Variants in XYLT1 observed in about 807,000 individuals in gnomAD.
XYLT1 encodes the protein beta-D-xylosyltransferase 1.
XYLT1 carries 36 observed loss-of-function variants against 91.3 expected under a neutral mutation model. That is an observed-to-expected ratio of 0.39 (90% CI 0.30 to 0.52). The LOEUF (loss-of-function observed/expected upper bound fraction) is 0.52. Among genes scored for constraint, XYLT1 ranks in the 20% least tolerant of loss-of-function variants. XYLT1 has a pLI of 0.68. For missense variants in XYLT1, 1,242 were observed against 1,284.5 expected (o/e 0.97, Z 0.51); for synonymous variants, 588 against 532.0 (o/e 1.11, Z -1.45).
At position 17,454,730 on chromosome 16, in the gene XYLT1, G is replaced by T. The variant is rs532797681; in HGVS notation, c.363+15704C>A. Among the ~76,000 whole-genome samples the T allele has an allele frequency of 2.5e-3, 382 of 151,874 alleles. 3 individuals carry two copies. The highest frequency in any genetic ancestry group is 5.7e-4 in the Non-Finnish European group (39 of 67,952). On this transcript the variant is annotated intron_variant, in intron 1 of 11. Coordinates refer to ENST00000261381, the MANE Select transcript of XYLT1 (RefSeq NM_022166.4). Reference sequence around the variant, plus strand: ...TTTTTGTACCTTTTAGTAGAGATGGGGTTTCAACCATGTTGGTCAGGCTGG... The same window carrying T: ...TTTTTGTACCTTTTAGTAGAGATGGTGTTTCAACCATGTTGGTCAGGCTGG...
chr16:17,217,387 A>G (rs1025436725), intron 3 of XYLT1, among the ~76,000 whole-genome samples: 1 of 152,250 alleles, frequency 6.6e-6, no homozygotes, highest in African/African-American at 2.4e-5. Flanking sequence ...AAACCCAGAT[A>G]TTAGTGCCAA....
intron 5 of XYLT1, among the ~76,000 whole-genome samples, chr16:17,194,530 C>T (rs549212259): frequency 8.7e-4 from 133 of 152,316 alleles, no homozygotes; most frequent in African/African-American, 3.0e-3. Flanking sequence ...GCCCCTAAGA[C>T]TGAGGAACAG....
At chr16:17,117,615 T>C in intron 11 of XYLT1, 31 bp downstream of exon 11, 1 of 1,588,910 alleles carries the variant, frequency 6.3e-7, no homozygotes, top group Non-Finnish European at 8.6e-7. Flanking sequence ...GGAAGGAGTA[T>C]TTCTCCCACA....
chr16:17,255,405 CAA>C (rs921323202), intron 3 of XYLT1, among the ~76,000 whole-genome samples: 2 of 152,144 alleles, frequency 1.3e-5, no homozygotes, highest in Non-Finnish European at 2.9e-5. Context: ...ATAGCTGTGA[CAA>C]AGACTGGCCC....
chr16:17,346,648 G>A (rs2035147821), intron 2 of XYLT1, among the ~76,000 whole-genome samples: 1 of 152,194 alleles, frequency 6.6e-6, no homozygotes, highest in Non-Finnish European at 1.5e-5. Flanking sequence ...TGAGTCCAGG[G>A]CCATGAAATG....
At position 17,311,891 on chromosome 16, in the gene XYLT1, A is replaced by C. The variant is rs55640524; in HGVS notation, c.402+46121T>G. Among the ~76,000 whole-genome samples, 627 of 149,168 alleles carry C rather than the reference A, an allele frequency of 4.2e-3. 2 individuals carry two copies. The highest frequency in any genetic ancestry group is 0.013 in the African/African-American group (539 of 40,818). ...GGGTTTCCCCTTATAAAACCATCAG[A>C]TCTCATGAGACTTATTCACTACAAT... is the stretch of plus-strand genomic sequence containing the variant. On this transcript the variant is annotated intron_variant, in intron 2 of 11. Transcript: ENST00000261381.
At chr16:17,195,538 T>C (rs2032410084) in intron 5 of XYLT1, among the ~76,000 whole-genome samples, 1 of 152,030 alleles carries the variant, frequency 6.6e-6, no homozygotes, top group South Asian at 2.1e-4. Flanking sequence ...CTCCACCTCC[T>C]GGGTTCAAGC....
At chr16:17,261,836 G>A (rs546441733) in intron 2 of XYLT1, among the ~76,000 whole-genome samples, 64 of 152,256 alleles carry the variant, frequency 4.2e-4, no homozygotes, top group Admixed American at 1.9e-3. Context: ...GTCACAGGGC[G>A]GCTACTGGTT....
intron 2 of XYLT1, among the ~76,000 whole-genome samples, chr16:17,318,790 CTT>C (rs58376375): frequency 1.4e-5 from 2 of 142,628 alleles, no homozygotes; most frequent in South Asian, 2.2e-4. Flanking sequence ...TCTGCTTACT[CTT>C]TTTTTTTTTT....
Position 17,141,384 on chromosome 16 carries a change from G to A in XYLT1, c.1371-15C>T, listed in dbSNP as rs1045373781. ...TCCGAATGAACCTGGGAGGGAGAAA[G>A]CTGCCCTTAGCCCAGAGGTGTCCTG... On this transcript the variant is annotated splice_polypyrimidine_tract_variant and intron_variant, in intron 6 of 11. Coordinates refer to ENST00000261381, the MANE Select transcript of XYLT1 (RefSeq NM_022166.4). 1 of 1,612,276 alleles carries A rather than the reference G, an allele frequency of 6.2e-7. No homozygotes were observed. The highest frequency in any genetic ancestry group is 1.3e-5 in the African/African-American group (1 of 74,906).
intron 3 of XYLT1, among the ~76,000 whole-genome samples, chr16:17,207,887 C>T (rs1347061559): frequency 6.6e-6 from 1 of 152,192 alleles, no homozygotes; most frequent in East Asian, 1.9e-4. Flanking sequence ...GTGGCCAAGC[C>T]AGCACCTGTC....
At chr16:17,161,748 C>A (rs2031560982) in intron 5 of XYLT1, among the ~76,000 whole-genome samples, 1 of 151,764 alleles carries the variant, frequency 6.6e-6, no homozygotes, top group African/African-American at 2.4e-5. Flanking sequence ...AGTCATTTGC[C>A]AAATGGTTCC....
At chr16:17,182,839 G>C (rs1448019251) in intron 5 of XYLT1, among the ~76,000 whole-genome samples, 2 of 152,150 alleles carry the variant, frequency 1.3e-5, no homozygotes, top group Admixed American at 6.6e-5. Flanking sequence ...AATGGGAACA[G>C]GATTACAAAG....
chr16:17,214,909 C>G (rs1356894445), intron 3 of XYLT1, among the ~76,000 whole-genome samples: 1 of 152,226 alleles, frequency 6.6e-6, no homozygotes, highest in Non-Finnish European at 1.5e-5. Flanking sequence ...CACGAAACCT[C>G]TGCTTCTGTT....
chr16:17,378,592 A>C (rs867224374), intron 1 of XYLT1, among the ~76,000 whole-genome samples: 4 of 152,214 alleles, frequency 2.6e-5, no homozygotes, highest in African/African-American at 7.2e-5. Flanking sequence ...CTTTTCTTCA[A>C]ATAAAGCAAT....
At chr16:17,462,641 A>T (rs2036838433) in intron 1 of XYLT1, among the ~76,000 whole-genome samples, 1 of 152,186 alleles carries the variant, frequency 6.6e-6, no homozygotes, top group Non-Finnish European at 1.5e-5. Flanking sequence ...TCAGTGGGCC[A>T]ACCACAGAGC....
chr16:17,286,650 TATCATCATCATCCTC>T (rs56874797), intron 2 of XYLT1, among the ~76,000 whole-genome samples: 177 of 151,026 alleles, frequency 1.2e-3, no homozygotes, highest in African/African-American at 3.7e-3. Flanking sequence ...CATGGATAGG[TATCATCATCATCCTC>T]ATCATCATCA....
chr16:17,420,514 A>C (rs2036237912), intron 1 of XYLT1, among the ~76,000 whole-genome samples: 1 of 152,162 alleles, frequency 6.6e-6, no homozygotes, highest in African/African-American at 2.4e-5. Context: ...ACCTGCTCAT[A>C]GTCATAGCTA....
intron 2 of XYLT1, among the ~76,000 whole-genome samples, chr16:17,326,773 C>T (rs1463918348): frequency 6.6e-6 from 1 of 151,016 alleles, no homozygotes; most frequent in Non-Finnish European, 1.5e-5. Flanking sequence ...TGCAGTGAGC[C>T]GAGATCGCGC....
Sources: gnomAD v4.1 joint callset for allele counts (sites outside exome capture counted in the v4.1 genomes callset) on GRCh38, gnomAD v4.1.1 for gene constraint, MANE v1.5 for transcripts, NCBI Gene and HGNC (gene_info 2026-07-23, HGNC 2026-07-21) for gene names.